GOLGA7: variants seen among roughly 807,000 people sequenced by gnomAD.
GOLGA7 encodes golgin A7.
In GOLGA7, 10 loss-of-function variants were observed where a neutral mutation model predicts 21.1. The ratio of observed to expected loss-of-function variants is 0.47; its 90% CI spans 0.29 to 0.80. The LOEUF (loss-of-function observed/expected upper bound fraction) is 0.80. Among genes scored for constraint, GOLGA7 ranks in the 30% least tolerant of loss-of-function variants. The pLI, the probability that GOLGA7 is intolerant of heterozygous loss-of-function variation, is 0.08. For missense variants in GOLGA7, 114 were observed against 166.8 expected (o/e 0.68, Z 1.74); for synonymous variants, 64 against 62.6 (o/e 1.02, Z -0.10).
intron 2 of GOLGA7, among the ~76,000 whole-genome samples, chr8:41,504,132 AAAAAC>A (rs1292052859): frequency 4.0e-4 from 53 of 131,058 alleles, no homozygotes; most frequent in African/African-American, 1.1e-3. Flanking sequence ...AAAAAAAAAA[AAAAAC>A]AAAACAAAAC....
intron 1 of GOLGA7, among the ~76,000 whole-genome samples, chr8:41,493,066 A>C (rs187912237): frequency 6.6e-6 from 1 of 152,208 alleles, no homozygotes; most frequent in Non-Finnish European, 1.5e-5. Context: ...TGAGTACTAT[A>C]TGGAATGTTA....
In GOLGA7 at chr8:41,490,820, C is replaced by T. The variant is rs112499838; in HGVS notation, c.-35C>T. 138 of 1,286,398 alleles carry T rather than the reference C, an allele frequency of 1.1e-4. 1 individual carries two copies. In the Middle Eastern group the frequency reaches 1.7e-3, roughly 16 times the overall value. 79.7% of individuals were successfully genotyped at this position (1,286,398 alleles called of 1,614,324 possible). On this transcript the variant is annotated 5_prime_UTR_variant, in exon 1 of 5. Coordinates refer to ENST00000357743, the MANE Select transcript of GOLGA7 (RefSeq NM_001002296.2). ...GGCTCTGACTCGCGGTTGGTGTTCC[C>T]CCGACCCCGCAGCGCGGGGTGTCCT...
chr8:41,497,747 T>G (rs1806055870), intron 2 of GOLGA7, 86 bp downstream of exon 2: 1 of 712,824 alleles, frequency 1.4e-6, no homozygotes, highest in Admixed American at 2.3e-5. Flanking sequence ...ATGGTGATAG[T>G]TGCCGTAAAA....
intron 3 of GOLGA7, among the ~76,000 whole-genome samples, chr8:41,506,544 T>A (rs959971119): frequency 2.6e-5 from 4 of 152,164 alleles, no homozygotes; most frequent in African/African-American, 9.7e-5. Context: ...AAAAAACTAA[T>A]TTAGCTTGAT....
intron 2 of GOLGA7, among the ~76,000 whole-genome samples, chr8:41,501,308 AT>A (rs58977260): frequency 2.2e-3 from 316 of 143,352 alleles, no homozygotes; most frequent in South Asian, 2.0e-3. Flanking sequence ...CTTGAGGTCG[AT>A]TTTTTTTTTT....
intron 2 of GOLGA7, among the ~76,000 whole-genome samples, chr8:41,504,243 C>A (rs575436010): frequency 3.3e-5 from 5 of 151,894 alleles, no homozygotes; most frequent in Non-Finnish European, 7.4e-5. Context: ...AGAAAGGAGA[C>A]GGAAAGCTGT....
At chr8:41,507,433 A>G (rs895617436) in intron 4 of GOLGA7, among the ~76,000 whole-genome samples, 4 of 152,170 alleles carry the variant, frequency 2.6e-5, no homozygotes, top group African/African-American at 9.7e-5. Context: ...TTTCAAAACT[A>G]TCCTAGACAT....
At position 41,504,132 on chromosome 8, in the gene GOLGA7, A is replaced by C. The variant is rs867585653; in HGVS notation, c.265-1779A>C. Reference sequence around the variant, plus strand: ...ACTTAGAGTATAATAAAAAAAAAAAAAAAACAAAACAAAACAAAAAAAAAA... The same window carrying C: ...ACTTAGAGTATAATAAAAAAAAAAACAAAACAAAACAAAACAAAAAAAAAA... On this transcript the variant is annotated intron_variant, in intron 2 of 4. Transcript: ENST00000357743. Among the ~76,000 whole-genome samples, 1,189 of 131,118 alleles carry C rather than the reference A, an allele frequency of 9.1e-3. 24 individuals carry two copies. The highest frequency in any genetic ancestry group is 0.033 in the African/African-American group (1,100 of 32,854). The allele number at this position is 131,118 out of a possible 152,430, so 86.0% of individuals were successfully genotyped here.
chr8:41,503,545 G>A (rs1285906403), intron 2 of GOLGA7, among the ~76,000 whole-genome samples: 2 of 80,796 alleles, frequency 2.5e-5, no homozygotes, highest in African/African-American at 1.0e-4. Flanking sequence ...TATGGTTTTA[G>A]GTTTAACGTT....
intron 2 of GOLGA7, among the ~76,000 whole-genome samples, chr8:41,499,202 G>C (rs1407594422): frequency 6.6e-6 from 1 of 152,180 alleles, no homozygotes; most frequent in South Asian, 2.1e-4. Flanking sequence ...CTCTAGGAGA[G>C]CATACAGATG....
At chr8:41,504,120 T>TAAAAAAAAAAAAAAA (rs58682911) in intron 2 of GOLGA7, among the ~76,000 whole-genome samples, 3 of 121,208 alleles carry the variant, frequency 2.5e-5, no homozygotes, top group Admixed American at 8.2e-5. Flanking sequence ...TAGAGTATAA[T>TAAAAAAAAAAAAAAA]AAAAAAAAAA....
In GOLGA7 at chr8:41,510,165, AT is replaced by A. The variant is rs1806387246; in HGVS notation, c.*598del. On this transcript the variant is annotated 3_prime_UTR_variant, in exon 5 of 5. Transcript: ENST00000357743. ...CAAACTGAAGCTTATTGAAAAAAAA[AT>A]GTATAATGTTATTTGTTTTATTATA... 2 of 152,636 alleles carry A rather than the reference AT, an allele frequency of 1.3e-5. No homozygotes were observed. The highest frequency in any genetic ancestry group is 3.8e-4 in the East Asian group (2 of 5,206). The allele number at this position is 152,636 out of a possible 1,614,324, so 9.5% of individuals were successfully genotyped here.
intron 1 of GOLGA7, among the ~76,000 whole-genome samples, chr8:41,496,433 G>A (rs935566046): frequency 3.9e-5 from 6 of 152,034 alleles, no homozygotes; most frequent in Non-Finnish European, 8.8e-5. Flanking sequence ...TAAGATCAGG[G>A]ATGCTCAACC....
chr8:41,497,905 G>GA (rs1447256762), intron 2 of GOLGA7, among the ~76,000 whole-genome samples: 1 of 152,182 alleles, frequency 6.6e-6, no homozygotes, highest in Non-Finnish European at 1.5e-5. Context: ...GAAGAATGTA[G>GA]AAAATCTATA....
chr8:41,494,769 C>T (rs1279523030), intron 1 of GOLGA7, among the ~76,000 whole-genome samples: 2 of 152,146 alleles, frequency 1.3e-5, no homozygotes, highest in Admixed American at 1.3e-4. Flanking sequence ...ATGGGTAGAG[C>T]CAACACCACT....
At chr8:41,503,464 GT>G (rs1278433033) in intron 2 of GOLGA7, among the ~76,000 whole-genome samples, 2 of 99,562 alleles carry the variant, frequency 2.0e-5, no homozygotes, top group African/African-American at 4.0e-5. Context: ...TGCTTTTGGT[GT>G]TTTGGACATG....
At chr8:41,504,128 A>C (rs1170199980) in intron 2 of GOLGA7, among the ~76,000 whole-genome samples, 29 of 116,258 alleles carry the variant, frequency 2.5e-4, no homozygotes, top group African/African-American at 1.1e-3. Context: ...AATAAAAAAA[A>C]AAAAAAAACA....
rs1805922636 is a variant in GOLGA7, at chr8:41,493,028, C to T, written c.111+2063C>T. Among the ~76,000 whole-genome samples, 3 of 152,176 alleles carry T rather than the reference C, an allele frequency of 2.0e-5. No homozygotes were observed. The South Asian group carries it at 6.2e-4, about 31-fold the overall frequency. On this transcript the variant is annotated intron_variant, in intron 1 of 4. Transcript: ENST00000357743. ...CTGGAGTCCTTTTACCTCTTTGACT[C>T]TGTATAGCCCAGAACTGCTTGTGGT...
intron 4 of GOLGA7, among the ~76,000 whole-genome samples, chr8:41,508,929 G>A (rs1806354505): frequency 6.6e-6 from 1 of 152,214 alleles, no homozygotes; most frequent in Non-Finnish European, 1.5e-5. Flanking sequence ...GAAGCAATAT[G>A]TGGGAATTAG....
Sources: gnomAD v4.1 joint callset for allele counts (sites outside exome capture counted in the v4.1 genomes callset) on GRCh38, gnomAD v4.1.1 for gene constraint, MANE v1.5 for transcripts, NCBI Gene and HGNC (gene_info 2026-07-23, HGNC 2026-07-21) for gene names.